Variants in DEFB131A observed in about 807,000 individuals in gnomAD.
DEFB131A encodes the protein defensin beta 131A, also known as beta-defensin 131A.
DEFB131A carries 5 observed loss-of-function variants against 2.4 expected under a neutral mutation model. That is an observed-to-expected ratio of 2.12 (90% CI 1.11 to 4.47). The LOEUF is 4.47. Among genes scored for constraint, DEFB131A ranks in the 30% most tolerant of loss-of-function variants. The probability of loss-of-function intolerance (pLI) is 0.00; values close to 1 mark genes in which losing one functional copy is unlikely to be tolerated. For synonymous variants in DEFB131A, 34 were observed against 25.7 expected, an observed-to-expected ratio of 1.32 and a Z score of -0.97; for missense variants, 120 against 79.9, an observed-to-expected ratio of 1.50 and a Z score of -1.91.
At chr4:9,449,595 A>C (rs1385776306) in intron 1 of DEFB131A, among the ~76,000 whole-genome samples, 1 of 152,020 alleles carries the variant, frequency 6.6e-6, no homozygotes, top group African/African-American at 2.4e-5. Flanking sequence ...TAAAACTTAT[A>C]GAAGAAAACA....
intron 1 of DEFB131A, among the ~76,000 whole-genome samples, chr4:9,444,845 G>A (rs1191968635): frequency 6.6e-6 from 1 of 151,568 alleles, no homozygotes; most frequent in African/African-American, 2.4e-5. Flanking sequence ...GGAGTTTGAG[G>A]TGGGTGAGCA....
At chr4:9,449,879 C>A (rs1181698232) in intron 1 of DEFB131A, among the ~76,000 whole-genome samples, 1 of 152,094 alleles carries the variant, frequency 6.6e-6, no homozygotes, top group Non-Finnish European at 1.5e-5. Flanking sequence ...AGAGAAGCAA[C>A]CAAAGACAGC....
rs778389101 is a variant in DEFB131A at position 9,444,490 on chromosome 4, A to G, written c.-44A>G. On this transcript the variant is annotated 5_prime_UTR_variant, in exon 1 of 2. Coordinates refer to ENST00000334879, the MANE Select transcript of DEFB131A (RefSeq NM_001040448.3). ...CTGAATGTACACAGAAGTCCTCTTC[A>G]TCTCAGCTACTGATTCTCTCTAACC... The G allele has an allele frequency of 1.6e-5, 25 of 1,603,638 alleles. No homozygotes were observed. In the South Asian group the frequency reaches 2.7e-4, roughly 17 times the overall value.
intron 1 of DEFB131A, among the ~76,000 whole-genome samples, chr4:9,445,009 T>A (rs1717458269): frequency 6.6e-6 from 1 of 152,008 alleles, no homozygotes; most frequent in Admixed American, 6.6e-5. Context: ...GAGCCTGAGA[T>A]GTCAAGGCTG....
intron 1 of DEFB131A, among the ~76,000 whole-genome samples, chr4:9,447,418 C>T (rs559891136): frequency 6.6e-6 from 1 of 151,930 alleles, no homozygotes; most frequent in Non-Finnish European, 1.5e-5. Flanking sequence ...TGTATTAGGC[C>T]ATTCTTGCAT....
In DEFB131A at chr4:9,450,217, G is replaced by C. The variant is rs1220702043; in HGVS notation, c.59-143G>C. 5 of 987,808 alleles carry C rather than the reference G, an allele frequency of 5.1e-6. No homozygotes were observed. In the African/African-American group the frequency reaches 6.6e-5, roughly 13 times the overall value. The allele number at this position is 987,808 out of a possible 1,614,324, so 61.2% of individuals were successfully genotyped here. A position where few individuals can be genotyped will look rare whatever the true frequency, so the allele number is the denominator to read the frequency against. Reference sequence around the variant, plus strand: ...GCTTGTCTTTATTCAGCATCTCCACGTTTTCTCTTGCATTTTTTGCTGTTG... The same window carrying C: ...GCTTGTCTTTATTCAGCATCTCCACCTTTTCTCTTGCATTTTTTGCTGTTG... On this transcript the variant is annotated intron_variant, in intron 1 of 1. Coordinates refer to ENST00000334879, the MANE Select transcript of DEFB131A (RefSeq NM_001040448.3).
rs28483859 is a variant in DEFB131A at position 9,444,709 on chromosome 4, C to T, written c.58+118C>T. 6.4e-3 allele frequency: 6,427 copies of T among 1,001,586 alleles called. 100 individuals are homozygous for T. The African/African-American group carries it at 0.076, about 12-fold the overall frequency. The allele number at this position is 1,001,586 out of a possible 1,614,324, so 62.0% of individuals were successfully genotyped here. On this transcript the variant is annotated intron_variant, in intron 1 of 1. Transcript: ENST00000334879. ...GGCAGATTTTACTGTACCATGAAGGCTGCTCAGAGGATTGAAGAGTTGATA... is the reference window on the plus strand; with the variant it reads ...GGCAGATTTTACTGTACCATGAAGGTTGCTCAGAGGATTGAAGAGTTGATA...
At chr4:9,447,128 C>T (rs550077842) in intron 1 of DEFB131A, among the ~76,000 whole-genome samples, 87 of 152,254 alleles carry the variant, frequency 5.7e-4, no homozygotes, top group African/African-American at 1.6e-3. Flanking sequence ...AGATTAAATT[C>T]AATGATTATT....
intron 1 of DEFB131A, among the ~76,000 whole-genome samples, chr4:9,448,468 C>T (rs1717563922): frequency 1.3e-5 from 2 of 152,034 alleles, no homozygotes; most frequent in Non-Finnish European, 2.9e-5. Context: ...CGTGCCTCAG[C>T]CAGCCACCAC....
chr4:9,446,634 T>A (rs1168372058), intron 1 of DEFB131A, among the ~76,000 whole-genome samples: 2 of 152,056 alleles, frequency 1.3e-5, no homozygotes, highest in Admixed American at 6.6e-5. Context: ...CTCCTAAGTT[T>A]GGATTTCATT....
At position 9,450,438 on chromosome 4, in the gene DEFB131A, C is replaced by A. The variant is rs200007452; in HGVS notation, c.137C>A (p.Ala46Glu). 3.7e-6 allele frequency: 6 copies of A among 1,609,946 alleles called. No individual in the cohort carries two copies. The highest frequency in any genetic ancestry group is 4.5e-5 in the East Asian group (2 of 44,808). The change falls in exon 2 of 2, where the codon GCA becomes GAA. Residue 46 changes from alanine (A) to glutamate (E), a missense_variant. Coordinates refer to ENST00000334879, the MANE Select transcript of DEFB131A (RefSeq NM_001040448.3). ...CTGAAGTGCAATGCTGATGAACATG[C>A]AATTAGATACTGTGCTGACTTCAGC... is the stretch of plus-strand genomic sequence containing the variant. ...CRLKCNADEH[A>E]IRYCADFSIC...
chr4:9,446,468 T>A (rs1228605823), intron 1 of DEFB131A, among the ~76,000 whole-genome samples: 1 of 152,118 alleles, frequency 6.6e-6, no homozygotes, highest in Non-Finnish European at 1.5e-5. Flanking sequence ...TTTTATTTAT[T>A]TGGCATTCTC....
At chr4:9,447,107 G>A (rs142711388) in intron 1 of DEFB131A, among the ~76,000 whole-genome samples, 1,861 of 152,214 alleles carry the variant, frequency 0.012, 47 homozygotes, top group African/African-American at 0.042. Flanking sequence ...AGTCTATTTG[G>A]TCTGCGGTAC....
chr4:9,448,885 G>C (rs1192995957), intron 1 of DEFB131A, among the ~76,000 whole-genome samples: 3 of 152,084 alleles, frequency 2.0e-5, no homozygotes, highest in Admixed American at 6.5e-5. Flanking sequence ...AACAGTTGGG[G>C]GGTGGGAATG....
At chr4:9,449,198 G>A (rs1030893154) in intron 1 of DEFB131A, among the ~76,000 whole-genome samples, 1 of 150,210 alleles carries the variant, frequency 6.7e-6, no homozygotes, top group Non-Finnish European at 1.5e-5. Flanking sequence ...ACACAAATCA[G>A]TGGAAAGATA....
intron 1 of DEFB131A, among the ~76,000 whole-genome samples, chr4:9,448,119 C>CA (rs1192139096): frequency 3.6e-5 from 5 of 139,646 alleles, no homozygotes; most frequent in African/African-American, 1.1e-4. Context: ...AAGATAAATA[C>CA]AAAAAATTTA....
chr4:9,445,260 G>C (rs1281680439), intron 1 of DEFB131A, among the ~76,000 whole-genome samples: 1 of 152,000 alleles, frequency 6.6e-6, no homozygotes, highest in African/African-American at 2.4e-5. Flanking sequence ...TGGTTCACAG[G>C]ATAAATTCAC....
At chr4:9,445,581 A>G (rs1348529966) in intron 1 of DEFB131A, among the ~76,000 whole-genome samples, 1 of 151,358 alleles carries the variant, frequency 6.6e-6, no homozygotes, top group East Asian at 1.9e-4. Flanking sequence ...ATACTTAACA[A>G]TTCAAGATTC....
intron 1 of DEFB131A, among the ~76,000 whole-genome samples, chr4:9,449,709 G>A (rs1170993493): frequency 1.3e-5 from 2 of 152,000 alleles, no homozygotes; most frequent in Non-Finnish European, 2.9e-5. Context: ...AATATTTATG[G>A]GAGATTATGG....
Sources: gnomAD v4.1 joint callset for allele counts (sites outside exome capture counted in the v4.1 genomes callset) on GRCh38, gnomAD v4.1.1 for gene constraint, MANE v1.5 for transcripts, NCBI Gene and HGNC (gene_info 2026-07-23, HGNC 2026-07-21) for gene names.